HERC2: variants seen among roughly 807,000 people sequenced by gnomAD.
HERC2 encodes HECT and RLD domain containing E3 ubiquitin protein ligase 2.
HERC2 carries 102 observed loss-of-function variants against 537.7 expected under a neutral mutation model. That is an observed-to-expected ratio of 0.19 (90% confidence interval 0.16 to 0.22). The LOEUF (loss-of-function observed/expected upper bound fraction) is 0.22, where lower values mean the gene tolerates loss of function less well. Among genes scored for constraint, HERC2 ranks in the 10% least tolerant of loss-of-function variants. The pLI, the probability that HERC2 is intolerant of heterozygous loss-of-function variation, is 1.00. For missense variants in HERC2, 4,236 were observed against 6,198.2 expected (o/e 0.68, Z 10.63); for synonymous variants, 2,224 against 2,466.2 (o/e 0.90, Z 2.91).
At chr15:28,238,471 T>G (rs60422914) in intron 24 of HERC2, 131 bp downstream of exon 24, 1 of 749,796 alleles carries the variant, frequency 1.3e-6, no homozygotes, top group South Asian at 1.8e-5. Flanking sequence ...AAGACAGACA[T>G]CGAAGCCACA....
intron 69 of HERC2, among the ~76,000 whole-genome samples, chr15:28,161,947 A>G (rs1039454177): frequency 3.9e-5 from 6 of 152,246 alleles, no homozygotes; most frequent in Admixed American, 3.3e-4. Flanking sequence ...CATCTAGGAA[A>G]AAAAGTAAAG....
rs562601203 is a variant in HERC2 at position 28,129,769 on chromosome 15, G to A, written c.12802+394C>T. On this transcript the variant is annotated intron_variant, in intron 83 of 92. Transcript: ENST00000261609. ...GATAGATTCTCAGGACACAGTATAA[G>A]CCTCTGCCTCCTTTTTTTTTTTTTT... is the stretch of plus-strand genomic sequence containing the variant. Among the ~76,000 whole-genome samples, 3 of 139,164 alleles carry A rather than the reference G, an allele frequency of 2.2e-5. No individual in the cohort carries two copies. The South Asian group carries it at 7.0e-4, about 32-fold the overall frequency. The allele number at this position is 139,164 out of a possible 152,430, so 91.3% of individuals were successfully genotyped here.
chr15:28,130,050 G>C, intron 83 of HERC2, 113 bp downstream of exon 83: 1 of 1,329,970 alleles, frequency 7.5e-7, no homozygotes, highest in South Asian at 1.3e-5. Flanking sequence ...TGGGGCAACA[G>C]GAGTGAGCCA....
intron 19 of HERC2, among the ~76,000 whole-genome samples, chr15:28,255,627 T>C (rs963909732): frequency 1.3e-5 from 2 of 152,186 alleles, no homozygotes; most frequent in Non-Finnish European, 2.9e-5. Context: ...GTAACGGGAA[T>C]GGTCTACATG....
chr15:28,119,015 A>C (rs1888585684), intron 86 of HERC2, among the ~76,000 whole-genome samples: 1 of 152,056 alleles, frequency 6.6e-6, no homozygotes, highest in African/African-American at 2.4e-5. Context: ...CGCCTATAAT[A>C]CCAGCACTTT....
intron 74 of HERC2, among the ~76,000 whole-genome samples, chr15:28,143,297 T>G (rs1454571885): frequency 6.6e-6 from 1 of 152,106 alleles, no homozygotes; most frequent in Non-Finnish European, 1.5e-5. Flanking sequence ...GGGAGGCCAA[T>G]CAGTTAGCCT....
chr15:28,301,711 G>T (rs962700431), intron 2 of HERC2, among the ~76,000 whole-genome samples: 1 of 80,960 alleles, frequency 1.2e-5, no homozygotes, highest in African/African-American at 4.6e-5. Flanking sequence ...AACTTCTGTG[G>T]ATACACACTA....
At position 28,146,607 on chromosome 15, in the gene HERC2, G is replaced by A. The variant is rs184648113; in HGVS notation, c.10901-263C>T. ...TCACTCCCGGGCAGACTTTCCTACT[G>A]CAACCACACTCCCCTGATCAAGCTT... On this transcript the variant is annotated intron_variant, in intron 70 of 92. Transcript: ENST00000261609. Among the ~76,000 whole-genome samples the A allele has an allele frequency of 5.3e-5, 8 of 151,926 alleles. 1 individual carries two copies. Among genetic ancestry groups the A allele is most frequent in the Admixed American group, 2.6e-4 (4 of 15,234 alleles).
intron 2 of HERC2, among the ~76,000 whole-genome samples, chr15:28,309,268 C>T (rs1397302906): frequency 6.6e-6 from 1 of 152,168 alleles, no homozygotes. Flanking sequence ...GTGTTGAAGC[C>T]TCCATCTATT....
chr15:28,130,725 C>T (rs1461175058), intron 81 of HERC2, 131 bp from the exon 82 acceptor site: 22 of 748,736 alleles, frequency 2.9e-5, no homozygotes, highest in Non-Finnish European at 5.0e-5. Flanking sequence ...ATTAGTGCAA[C>T]ATAAAATCAT....
In HERC2 at chr15:28,114,400, T is replaced by A. The variant is rs577426707; in HGVS notation, c.13913+212A>T. 3.3e-5 allele frequency among the ~76,000 whole-genome samples: 5 copies of A among 152,316 alleles called. No individual in the cohort carries two copies. The South Asian group carries it at 1.0e-3, about 32-fold the overall frequency. ...GACCCAAATGGGTGGATTTTGTTGA[T>A]CTTGGTATTCTGGTTAGAGCCAGGA... On this transcript the variant is annotated intron_variant, in intron 90 of 92. Coordinates refer to ENST00000261609, the MANE Select transcript of HERC2 (RefSeq NM_004667.6).
intron 52 of HERC2, among the ~76,000 whole-genome samples, chr15:28,194,142 T>C (rs892879740): frequency 2.0e-5 from 3 of 150,246 alleles, no homozygotes; most frequent in Admixed American, 6.6e-5. Flanking sequence ...CTCGGCTCAC[T>C]GCAAGCTCCA....
chr15:28,150,537 T>C (rs139177072), intron 70 of HERC2, among the ~76,000 whole-genome samples: 1 of 143,454 alleles, frequency 7.0e-6, no homozygotes, highest in East Asian at 2.1e-4. Context: ...GAACGTATAC[T>C]CTAGTGAAAT....
chr15:28,230,320 G>A (rs750212473), intron 31 of HERC2, 47 bp downstream of exon 31: 5 of 1,576,172 alleles, frequency 3.2e-6, no homozygotes, highest in East Asian at 2.2e-5. Context: ...TGTGCTACAT[G>A]CTATGATTCT....
At chr15:28,253,565 T>C (rs1426379331) in intron 20 of HERC2, among the ~76,000 whole-genome samples, 2 of 152,232 alleles carry the variant, frequency 1.3e-5, no homozygotes, top group African/African-American at 4.8e-5. Context: ...CTAACATCTA[T>C]ACTAGGTAAT....
At chr15:28,254,133 A>G (rs146925222) in intron 20 of HERC2, among the ~76,000 whole-genome samples, 20 of 152,154 alleles carry the variant, frequency 1.3e-4, no homozygotes, top group African/African-American at 4.8e-4. Context: ...AAACTACAAG[A>G]TTAGTCGGGT....
rs1400423014 is a variant in HERC2 at position 28,256,200 on chromosome 15, G to A, written c.2635C>T (p.Leu879=). 1.2e-6 allele frequency: 2 copies of A among 1,600,772 alleles called. No homozygotes were observed. Among genetic ancestry groups the A allele is most frequent in the Admixed American group, 1.7e-5 (1 of 59,984 alleles). ...VVTLASSAGV[L]STVQSAAQAV... ...TGGGCGGCCGACTGCACGGTGCTCA[G>A]CACGCCCGCACTGCTGGCCAGGGTC... The change falls in exon 18 of 93, where the codon CTG becomes TTG. Residue 879 remains leucine (L), a synonymous_variant. Coordinates refer to ENST00000261609, the MANE Select transcript of HERC2 (RefSeq NM_004667.6).
At chr15:28,191,508 A>C (rs980158509) in intron 53 of HERC2, among the ~76,000 whole-genome samples, 1 of 152,196 alleles carries the variant, frequency 6.6e-6, no homozygotes, top group African/African-American at 2.4e-5. Context: ...CCACCAAGTG[A>C]GTGACAGAAA....
chr15:28,223,686 G>A (rs1900771548), intron 35 of HERC2, among the ~76,000 whole-genome samples: 3 of 152,120 alleles, frequency 2.0e-5, no homozygotes, highest in Admixed American at 6.5e-5. Context: ...ATAGCTTTAT[G>A]TTTTCTGGCT....
Sources: allele counts gnomAD v4.1 joint callset (sites outside exome capture counted in the v4.1 genomes callset), GRCh38; gene constraint gnomAD v4.1.1; transcripts MANE v1.5; gene names NCBI Gene and HGNC (gene_info 2026-07-23, HGNC 2026-07-21).